LRFN1: variants seen among roughly 807,000 people sequenced by gnomAD.
LRFN1 encodes the protein leucine-rich repeat and fibronectin type III domain-containing protein 1.
LRFN1 carries 20 observed loss-of-function variants against 31.8 expected under a neutral mutation model. That is an observed-to-expected ratio of 0.63 (90% confidence interval 0.44 to 0.91). The LOEUF (loss-of-function observed/expected upper bound fraction) is 0.91. LRFN1 is among the 40% of genes least tolerant of loss of function. The pLI is 0.00. For synonymous variants in LRFN1, 514 were observed against 541.3 expected (o/e 0.95, Z 0.70); for missense variants, 912 against 1,129.8 (o/e 0.81, Z 2.76).
At chr19:39,309,387 G>A (rs532269203) in intron 4 of LRFN1, among the ~76,000 whole-genome samples, 1 of 149,518 alleles carries the variant, frequency 6.7e-6, no homozygotes, top group South Asian at 2.1e-4. Context: ...CCGGGAGGTG[G>A]AGGTTGCAGT....
intron 4 of LRFN1, among the ~76,000 whole-genome samples, chr19:39,309,497 AAAAAAAAAAAC>A: frequency 6.8e-6 from 1 of 146,456 alleles, no homozygotes; most frequent in Non-Finnish European, 1.5e-5. Flanking sequence ...AAAAAAAAAA[AAAAAAAAAAAC>A]CATCTAGCTT....
chr19:39,307,714 C>A lies in LRFN1; in HGVS notation c.2235G>T (p.Glu745Asp). The change falls in exon 5 of 5, where the codon GAG becomes GAT. Residue 745 changes from glutamate to aspartate, a missense_variant. By Grantham distance (45) the Glu-to-Asp change is conservative. Transcript: ENST00000248668. The surrounding 1 kb of genome is among the most constrained non-coding windows in gnomAD (Gnocchi z 6.7). ...CGGAGCCCAGCCCCAGGTCTCCATC[C>A]TCCCCGGCCGCGCCCCCTCCAGCCC... ...LDGAGGGAAG[E>D]DGDLGLGSAR... 6.6e-7 allele frequency: 1 copy of A among 1,510,488 alleles called. No individual in the cohort carries two copies. The highest frequency in any genetic ancestry group is 8.8e-7 in the Non-Finnish European group (1 of 1,140,914). The allele number at this position is 1,510,488 out of a possible 1,614,324, so 93.6% of individuals were successfully genotyped here. A position where few individuals can be genotyped will look rare whatever the true frequency, so the allele number is the denominator to read the frequency against.
In LRFN1 at chr19:39,320,806, G is replaced by GC; in HGVS notation, c.-140dup. The stretch of plus-strand genomic sequence containing the variant: ...GGCCGCGCTCACCCAGCCCGGGGGG[G>GC]CCCCGGGCCCGGCCCCGCCGCCGCT... On this transcript the variant is annotated 5_prime_UTR_variant, in exon 1 of 5. It removes the in-frame stop codon of an upstream open reading frame in the 5' UTR. Transcript: ENST00000248668. 6.8e-6 allele frequency: 1 copy of GC among 146,720 alleles called. No individual in the cohort carries two copies. The highest frequency in any genetic ancestry group is 1.8e-4 in the South Asian group (1 of 5,610). The allele number at this position is 146,720 out of a possible 1,614,324, so 9.1% of individuals were successfully genotyped here.
rs567500386 is a variant in LRFN1, at chr19:39,316,948, G to C, written c.-92-812C>G. Among the ~76,000 whole-genome samples, 3 of 152,266 alleles carry C rather than the reference G, an allele frequency of 2.0e-5. No individual in the cohort carries two copies. The East Asian group carries it at 5.8e-4, about 29-fold the overall frequency. ...CCCAGGAATCTGTGTTTGGGGCTAC[G>C]GCCTTAGGTGGCTTTGATCTTCCTG... On this transcript the variant is annotated intron_variant, in intron 2 of 4. Transcript: ENST00000248668.
intron 1 of LRFN1, among the ~76,000 whole-genome samples, chr19:39,320,305 G>GACACACACACACACACACACACAC (rs35232910): frequency 7.4e-6 from 1 of 134,656 alleles, no homozygotes; most frequent in East Asian, 2.2e-4. Flanking sequence ...ACAACCCGCA[G>GACACACACACACACACACACACAC]ACACACACAC....
At chr19:39,320,022 C>G (rs1237855370) in intron 1 of LRFN1, among the ~76,000 whole-genome samples, 1 of 150,904 alleles carries the variant, frequency 6.6e-6, no homozygotes, top group Non-Finnish European at 1.5e-5. Flanking sequence ...CTTCGCCCCC[C>G]AACCCCCACC....
chr19:39,311,184 T>C (rs1488648549), intron 4 of LRFN1, among the ~76,000 whole-genome samples: 1 of 152,180 alleles, frequency 6.6e-6, no homozygotes, highest in African/African-American at 2.4e-5. Flanking sequence ...AGCAAGCAGC[T>C]AAGCAGGCTT....
At position 39,313,931 on chromosome 19, in the gene LRFN1, C is replaced by A; in HGVS notation, c.1406G>T (p.Arg469Met). ...NSSVDDSLVY[R>M]MIPSTSQTFL... ...CTGGGACTGCAGCACCCGCACCCACCTGTAGACGAGGGAGTCATCAACGGA... is the reference window on the plus strand; with the variant it reads ...CTGGGACTGCAGCACCCGCACCCACATGTAGACGAGGGAGTCATCAACGGA... The change falls in exon 4 of 5, where the codon AGG (arginine) becomes ATG (methionine). Residue 469 changes from arginine (R) to methionine (M), a missense_variant and splice_region_variant. Coordinates refer to ENST00000248668, the MANE Select transcript of LRFN1 (RefSeq NM_020862.2). 6.3e-7 allele frequency: 1 copy of A among 1,584,076 alleles called. No individual in the cohort carries two copies. The highest frequency in any genetic ancestry group is 8.6e-7 in the Non-Finnish European group (1 of 1,164,304).
Position 39,308,690 on chromosome 19 carries a change from G to T in LRFN1, c.1407-148C>A. On this transcript the variant is annotated intron_variant, in intron 4 of 4. Coordinates refer to ENST00000248668, the MANE Select transcript of LRFN1 (RefSeq NM_020862.2). The surrounding 1 kb of genome is among the most constrained non-coding windows in gnomAD (Gnocchi z 6.2). ...AGACAACAGCAGCAATTCAAGCCCCGCCTCCATCAACATATTCCCACCCTT... is the reference window on the plus strand; with the variant it reads ...AGACAACAGCAGCAATTCAAGCCCCTCCTCCATCAACATATTCCCACCCTT... 1 of 735,604 alleles carries T rather than the reference G, an allele frequency of 1.4e-6. No individual in the cohort carries two copies. Among genetic ancestry groups the T allele is most frequent in the South Asian group, 1.9e-5 (1 of 53,210 alleles). 45.6% of individuals were successfully genotyped at this position (735,604 alleles called of 1,614,324 possible).
Position 39,315,166 on chromosome 19 carries a change from G to C in LRFN1, c.171C>G (p.Leu57=), listed in dbSNP as rs2075167413. ...LTMLCAKTGL[L]FVPPAIDRRV... Reference sequence around the variant, plus strand: ...GCCGGTCGATGGCGGGCGGCACAAAGAGCAAGCCGGTCTTGGCGCACAGCA... The same window carrying C: ...GCCGGTCGATGGCGGGCGGCACAAACAGCAAGCCGGTCTTGGCGCACAGCA... The change falls in exon 4 of 5, where the codon CTC becomes CTG. Residue 57 remains leucine, a synonymous_variant. Coordinates refer to ENST00000248668, the MANE Select transcript of LRFN1 (RefSeq NM_020862.2). The surrounding 1 kb of genome is among the most constrained non-coding windows in gnomAD (Gnocchi z 4.7). 6.3e-7 allele frequency: 1 copy of C among 1,590,304 alleles called. No homozygotes were observed. The highest frequency in any genetic ancestry group is 1.3e-5 in the African/African-American group (1 of 74,690).
intron 4 of LRFN1, among the ~76,000 whole-genome samples, chr19:39,313,726 A>G (rs2075158958): frequency 1.3e-5 from 2 of 152,228 alleles, no homozygotes; most frequent in African/African-American, 2.4e-5. Context: ...GGGTTCATGT[A>G]GGTGCTCAGC....
chr19:39,313,464 G>A (rs1434841921), intron 4 of LRFN1, among the ~76,000 whole-genome samples: 1 of 152,148 alleles, frequency 6.6e-6, no homozygotes, highest in East Asian at 1.9e-4. Flanking sequence ...CCGGGAGGCG[G>A]AGGGTTTCAG....
intron 2 of LRFN1, among the ~76,000 whole-genome samples, chr19:39,316,740 T>G (rs995752947): frequency 6.6e-6 from 1 of 152,050 alleles, no homozygotes; most frequent in Non-Finnish European, 1.5e-5. Flanking sequence ...TCACGCTATG[T>G]CTCTGCTCCA....
At position 39,314,964 on chromosome 19, in the gene LRFN1, G is replaced by A; in HGVS notation, c.373C>T (p.Leu125=). Residue 125 remains leucine, a synonymous_variant, in exon 4 of 5, where the codon CTG becomes TTG. Transcript: ENST00000248668. ...AGCTGGTCGCCGCGCACCTCCGCCA[G>A]GCGGTTGCTGTCCAGGTGCAGGGCC... ...LRALHLDSNR[L]AEVRGDQLRG... 6.3e-7 allele frequency: 1 copy of A among 1,593,564 alleles called. No homozygotes were observed. The highest frequency in any genetic ancestry group is 8.5e-7 in the Non-Finnish European group (1 of 1,174,662).
At chr19:39,316,157 C>T (rs2075171528) in intron 2 of LRFN1, 21 bp from the exon 3 acceptor site, 1 of 152,212 alleles carries the variant, frequency 6.6e-6, no homozygotes, top group African/African-American at 2.4e-5. Context: ...GAGATAGAAA[C>T]AGGCCTTACT....
Position 39,307,865 on chromosome 19 carries a change from G to A in LRFN1, c.2084C>T (p.Ala695Val). The part of the protein sequence containing the change: ...PTLALVPGGA[A>V]ARPRPQQRYS... ...GCGCTGCTGCGGCCTCGGCCGGGCC[G>A]CGGCTCCCCCAGGAACTAGAGCTAG... is the stretch of plus-strand genomic sequence containing the variant. Residue 695 changes from alanine (A) to valine (V), a missense_variant, in exon 5 of 5, where the codon GCG becomes GTG. Ala to Val is a moderately conservative substitution (Grantham distance 64, BLOSUM62 0). Around this residue, in one of 2 missense-constraint regions of LRFN1, gnomAD observed 511 missense variants for 557.0 expected, o/e 0.92. Coordinates refer to ENST00000248668, the MANE Select transcript of LRFN1 (RefSeq NM_020862.2). This position sits in a 1 kb window ranked among gnomAD's most constrained non-coding sequence, Gnocchi z 6.7. The A allele has an allele frequency of 6.6e-7, 1 of 1,526,278 alleles. No homozygotes were observed. 94.5% of individuals were successfully genotyped at this position (1,526,278 alleles called of 1,614,324 possible).
At position 39,315,301 on chromosome 19, in the gene LRFN1, C is replaced by T; in HGVS notation, c.36G>A (p.Ser12=). 2.0e-6 allele frequency: 3 copies of T among 1,490,220 alleles called. No individual in the cohort carries two copies. Among genetic ancestry groups the T allele is most frequent in the Non-Finnish European group, 1.8e-6 (2 of 1,122,932 alleles). The allele number at this position is 1,490,220 out of a possible 1,614,324, so 92.3% of individuals were successfully genotyped here. Residue 12 remains serine, a synonymous_variant, in exon 4 of 5, where the codon TCG becomes TCA. Transcript: ENST00000248668. The surrounding 1 kb of genome is among the most constrained non-coding windows in gnomAD (Gnocchi z 4.7). ...APGPFSSALL[S]PPPAALPFLL... Reference sequence around the variant, plus strand: ...GAAAGGGCAGGGCAGCGGGCGGCGGCGAGAGGAGGGCCGAGGAGAAGGGTC... The same window carrying T: ...GAAAGGGCAGGGCAGCGGGCGGCGGTGAGAGGAGGGCCGAGGAGAAGGGTC...
At chr19:39,317,699 G>T (rs1480538869) in intron 2 of LRFN1, among the ~76,000 whole-genome samples, 1 of 152,018 alleles carries the variant, frequency 6.6e-6, no homozygotes, top group Non-Finnish European at 1.5e-5. Flanking sequence ...TCTGTCAAAT[G>T]GGAATAATAA....
intron 4 of LRFN1, among the ~76,000 whole-genome samples, chr19:39,309,478 C>CAAAAAAA (rs71169583): frequency 0.013 from 408 of 31,972 alleles, 60 homozygotes; most frequent in African/African-American, 0.052. Flanking sequence ...ACAAACAAAC[C>CAAAAAAA]AAAAAAAAAA....
Sources: gnomAD v4.1 joint callset for allele counts (sites outside exome capture counted in the v4.1 genomes callset) on GRCh38, gnomAD v4.1.1 for gene constraint, gnomAD v4.1.1 regional missense constraint, Gnocchi (gnomAD v3.1) non-coding constraint, MANE v1.5 for transcripts, NCBI Gene and HGNC (gene_info 2026-07-23, HGNC 2026-07-21) for gene names.